Variants in EDDM3B observed in about 807,000 individuals in gnomAD.
The protein encoded by EDDM3B is epididymal secretory protein E3-beta.
For missense variants in EDDM3B, 189 were observed against 178.3 expected (o/e 1.06, Z -0.34); for synonymous variants, 71 against 59.1 (o/e 1.20, Z -0.92).
rs113153951 is a variant in EDDM3B, at chr14:20,770,302, A to G, written c.152A>G (p.Asp51Gly). The G allele has an allele frequency of 8.1e-6, 13 of 1,614,184 alleles. No homozygotes were observed. The African/African-American group carries it at 1.1e-4, about 13-fold the overall frequency. ...CGAGAATTCAGAGAGTACAAATGTG[A>G]TGTCCTCATGAGAGAAAATGAAGCT... ...PSREFREYKC[D>G]VLMRENEALK... is the part of the protein sequence containing the mutation. Residue 51 changes from aspartate (D) to glycine (G), a missense_variant, in exon 2 of 2, where the codon GAT (aspartate) becomes GGT (glycine). By Grantham distance (94) the Asp-to-Gly change is moderately conservative (BLOSUM62 -1). Transcript: ENST00000326783.
intron 1 of EDDM3B, among the ~76,000 whole-genome samples, chr14:20,769,039 C>T (rs564514047): frequency 6.6e-6 from 1 of 152,304 alleles, no homozygotes; most frequent in South Asian, 2.1e-4. Context: ...CATGCTATCA[C>T]CACAGAAGCC....
chr14:20,770,089 T>C (rs1878291879), intron 1 of EDDM3B, 44 bp from the exon 2 acceptor site: 1 of 1,471,462 alleles, frequency 6.8e-7, no homozygotes, highest in Non-Finnish European at 9.2e-7. Flanking sequence ...TCTCTGGGCA[T>C]TGTCTGGATA....
rs138399690 is a variant in EDDM3B, at chr14:20,770,729, A to T, written c.*135A>T. On this transcript the variant is annotated 3_prime_UTR_variant, in exon 2 of 2. Coordinates refer to ENST00000326783, the MANE Select transcript of EDDM3B (RefSeq NM_022360.5). ...TGTTTTCCAAATACTTAGAGTTATG[A>T]ATAGCATAATTTCTTGATACCATAA... The T allele has an allele frequency of 8.8e-4, 625 of 707,572 alleles. 2 individuals carry two copies. The African/African-American group carries it at 0.01, about 12-fold the overall frequency. The allele number at this position is 707,572 out of a possible 1,614,324, so 43.8% of individuals were successfully genotyped here. A position where few individuals can be genotyped will look rare whatever the true frequency, so the allele number is the denominator to read the frequency against.
At chr14:20,768,757 A>C (rs181896867) in intron 1 of EDDM3B, among the ~76,000 whole-genome samples, 6 of 152,154 alleles carry the variant, frequency 3.9e-5, no homozygotes, top group Admixed American at 3.9e-4. Flanking sequence ...GGTCTTTATC[A>C]TCAGGACAGG....
intron 1 of EDDM3B, among the ~76,000 whole-genome samples, chr14:20,769,397 C>A (rs1024246051): frequency 6.6e-6 from 1 of 152,034 alleles, no homozygotes; most frequent in Non-Finnish European, 1.5e-5. Flanking sequence ...GAGACTCTGT[C>A]TCAAAAATAA....
rs57763153 is a variant in EDDM3B, at chr14:20,769,629, G to T, written c.-18-504G>T. ...GCATCATTAAGTAATTGGAGAAGCA[G>T]GCAAGAAGTAATTGCAGGCTAGGCT... On this transcript the variant is annotated intron_variant, in intron 1 of 1. Coordinates refer to ENST00000326783, the MANE Select transcript of EDDM3B (RefSeq NM_022360.5). 7.5e-3 allele frequency among the ~76,000 whole-genome samples: 1,138 copies of T among 152,270 alleles called. 11 individuals are homozygous for T. Among genetic ancestry groups the T allele is most frequent in the African/African-American group, 0.025 (1,049 of 41,558 alleles).
intron 1 of EDDM3B, among the ~76,000 whole-genome samples, chr14:20,769,532 G>C (rs1287076036): frequency 2.0e-5 from 3 of 152,166 alleles, no homozygotes; most frequent in African/African-American, 7.2e-5. Context: ...AAGGAATATG[G>C]GTAGTTAGTA....
chr14:20,768,544 C>G (rs1368048543), intron 1 of EDDM3B, 38 bp downstream of exon 1: 1 of 152,218 alleles, frequency 6.6e-6, no homozygotes, highest in Non-Finnish European at 1.5e-5. Context: ...GGGGGACAGC[C>G]AGGAGCACTG....
chr14:20,770,425 C>G lies in EDDM3B; in HGVS notation c.275C>G (p.Ala92Gly). ...AACTGGATGGATCGCTTCCGAAATG[C>G]ATATGTATGGGTCCAGAATCCTCTC... is the stretch of plus-strand genomic sequence containing the variant. ...SDNWMDRFRN[A>G]YVWVQNPLKV... is the part of the protein sequence containing the mutation. The change falls in exon 2 of 2, where the codon GCA becomes GGA. Residue 92 changes from alanine (A) to glycine (G), a missense_variant. By Grantham distance (60) the Ala-to-Gly change is moderately conservative. Transcript: ENST00000326783. 6.2e-7 allele frequency: 1 copy of G among 1,614,160 alleles called. No individual in the cohort carries two copies. The highest frequency in any genetic ancestry group is 8.5e-7 in the Non-Finnish European group (1 of 1,180,042).
At position 20,770,141 on chromosome 14, in the gene EDDM3B, G is replaced by T. The variant is rs374543846; in HGVS notation, c.-10G>T. ...TCTCTGTGGACACGCAGGCGGCCCC[G>T]GTGACTGAGATGGCATCGTCTCTAA... On this transcript the variant is annotated 5_prime_UTR_variant, in exon 2 of 2. Transcript: ENST00000326783. The T allele has an allele frequency of 6.3e-7, 1 of 1,596,534 alleles. No individual in the cohort carries two copies. Among genetic ancestry groups the T allele is most frequent in the East Asian group, 2.2e-5 (1 of 44,638 alleles).
Position 20,770,445 on chromosome 14 carries a change from C to A in EDDM3B, c.295C>A (p.Pro99Thr). The A allele has an allele frequency of 1.9e-6, 3 of 1,614,156 alleles. No individual in the cohort carries two copies. The highest frequency in any genetic ancestry group is 8.5e-7 in the Non-Finnish European group (1 of 1,180,040). Residue 99 changes from proline to threonine, a missense_variant, in exon 2 of 2, where the codon CCT becomes ACT. Physicochemically the swap from Pro to Thr is conservative, Grantham distance 38. Coordinates refer to ENST00000326783, the MANE Select transcript of EDDM3B (RefSeq NM_022360.5). ...FRNAYVWVQN[P>T]LKVLKCHQEN... is the part of the protein sequence containing the mutation. The stretch of plus-strand genomic sequence containing the variant: ...AAATGCATATGTATGGGTCCAGAAT[C>A]CTCTCAAAGTACTCAAGTGTCACCA...
At chr14:20,768,607 C>T (rs1878241031) in intron 1 of EDDM3B, 101 bp downstream of exon 1, 1 of 152,270 alleles carries the variant, frequency 6.6e-6, no homozygotes, top group Non-Finnish European at 1.5e-5. Context: ...GGATCCAAAT[C>T]ATGGAAAACA....
rs776588708 is a variant in EDDM3B at position 20,770,224 on chromosome 14, G to C, written c.74G>C (p.Ser25Thr). 5 of 1,614,156 alleles carry C rather than the reference G, an allele frequency of 3.1e-6. No individual in the cohort carries two copies. Among genetic ancestry groups the C allele is most frequent in the Non-Finnish European group, 4.2e-6 (5 of 1,180,030 alleles). The change falls in exon 2 of 2, where the codon AGC (serine) becomes ACC (threonine). Residue 25 changes from serine to threonine, a missense_variant. Ser to Thr is a moderately conservative substitution (Grantham distance 58, BLOSUM62 1). Coordinates refer to ENST00000326783, the MANE Select transcript of EDDM3B (RefSeq NM_022360.5). ...ATCCTATGCACACTGCTTGTACAGAGCAAAGAAGTTTCTTGGAGAGAATTC... is the reference window on the plus strand; with the variant it reads ...ATCCTATGCACACTGCTTGTACAGACCAAAGAAGTTTCTTGGAGAGAATTC... The part of the protein sequence containing the change: ...LCILCTLLVQ[S>T]KEVSWREFMK...
chr14:20,768,908 A>G (rs1381540176), intron 1 of EDDM3B, among the ~76,000 whole-genome samples: 3 of 152,222 alleles, frequency 2.0e-5, no homozygotes, highest in Non-Finnish European at 4.4e-5. Flanking sequence ...ATCTGAGGAC[A>G]CCAATGCTCA....
chr14:20,770,229 G>A lies in EDDM3B; in HGVS notation c.79G>A (p.Glu27Lys), dbSNP rs534719745. 8 of 1,614,150 alleles carry A rather than the reference G, an allele frequency of 5.0e-6. No homozygotes were observed. The African/African-American group carries it at 9.3e-5, about 19-fold the overall frequency. Residue 27 changes from glutamate (E) to lysine (K), a missense_variant, in exon 2 of 2, where the codon GAA becomes AAA. Physicochemically the swap from Glu to Lys is moderately conservative, Grantham distance 56 (BLOSUM62 1). Coordinates refer to ENST00000326783, the MANE Select transcript of EDDM3B (RefSeq NM_022360.5). ...ATGCACACTGCTTGTACAGAGCAAA[G>A]AAGTTTCTTGGAGAGAATTCATGAA... ...ILCTLLVQSK[E>K]VSWREFMKQH...
At chr14:20,769,485 A>G (rs72666892) in intron 1 of EDDM3B, among the ~76,000 whole-genome samples, 29 of 152,338 alleles carry the variant, frequency 1.9e-4, no homozygotes, top group Non-Finnish European at 2.9e-4. Flanking sequence ...AACCAAGATC[A>G]TTTGTAATAG....
In EDDM3B at chr14:20,770,497, A is replaced by G. The variant is rs1400981752; in HGVS notation, c.347A>G (p.Glu116Gly). Residue 116 changes from glutamate (E) to glycine (G), a missense_variant, in exon 2 of 2, where the codon GAG (glutamate) becomes GGG (glycine). Glu to Gly is a moderately conservative substitution (Grantham distance 98). Coordinates refer to ENST00000326783, the MANE Select transcript of EDDM3B (RefSeq NM_022360.5). ...GAGAATTCCAAAAATAGCTACACAG[A>G]GAGCAGGAGCTTCAACTACATTGAA... is the stretch of plus-strand genomic sequence containing the variant. ...HQENSKNSYT[E>G]SRSFNYIEFH... is the part of the protein sequence containing the mutation. 5.6e-6 allele frequency: 9 copies of G among 1,614,208 alleles called. No homozygotes were observed. Among genetic ancestry groups the G allele is most frequent in the Non-Finnish European group, 7.6e-6 (9 of 1,180,030 alleles).
intron 1 of EDDM3B, among the ~76,000 whole-genome samples, chr14:20,769,313 T>C (rs1461752145): frequency 6.6e-6 from 1 of 152,100 alleles, no homozygotes; most frequent in Non-Finnish European, 1.5e-5. Context: ...AGACAGAGAA[T>C]CTATTGAACC....
At position 20,770,563 on chromosome 14, in the gene EDDM3B, AC is replaced by A; in HGVS notation, c.415del (p.Leu139Ter). 6.2e-7 allele frequency: 1 copy of A among 1,613,656 alleles called. No individual in the cohort carries two copies. Among genetic ancestry groups the A allele is most frequent in the Non-Finnish European group, 8.5e-7 (1 of 1,179,836 alleles). Reference sequence around the variant, plus strand: ...GACGGGTATGTTGATAGCATAGAAGACCTAAAGATGGTAGAACCTATCGGCA... The same window carrying A: ...GACGGGTATGTTGATAGCATAGAAGACTAAAGATGGTAGAACCTATCGGCA... The part of the protein sequence containing the change: ...SMDGYVDSIE[D>X]LKMVEPIGN On this transcript the variant is annotated frameshift_variant, in exon 2 of 2. Transcript: ENST00000326783. LOFTEE classifies it low-confidence loss of function (END_TRUNC).
Sources: gnomAD v4.1 joint callset for allele counts (sites outside exome capture counted in the v4.1 genomes callset) on GRCh38, gnomAD v4.1.1 for gene constraint, MANE v1.5 for transcripts, NCBI Gene and HGNC (gene_info 2026-07-23, HGNC 2026-07-21) for gene names.